The following MIER2 variants were observed in gnomAD, a reference collection of about 807,000 sequenced individuals.
MIER2 encodes MIER family member 2.
In MIER2, 30 loss-of-function variants were observed where a neutral mutation model predicts 67.6. The observed-to-expected ratio is 0.44, with a 90% CI of 0.33 to 0.60. MIER2 has a LOEUF of 0.60. Among genes scored for constraint, MIER2 ranks in the 20% least tolerant of loss-of-function variants. The probability of loss-of-function intolerance (pLI) is 0.02; values close to 1 mark genes in which losing one functional copy is unlikely to be tolerated. For synonymous variants in MIER2, 372 were observed against 312.6 expected (o/e 1.19, Z -2.00); for missense variants, 702 against 745.1 (o/e 0.94, Z 0.67).
chr19:310,318 C>A (rs1188990240), intron 10 of MIER2, among the ~76,000 whole-genome samples: 1 of 152,238 alleles, frequency 6.6e-6, no homozygotes, highest in Non-Finnish European at 1.5e-5. Flanking sequence ...GGGGTCCTGC[C>A]TGGGGGCGAG....
In MIER2 at chr19:308,435, GC is replaced by G; in HGVS notation, c.1198+141del. ...AGAGCGGCATCCACATCACGTGGCT[GC>G]CCTCCGCCACCCAGACGCCCACTCC... On this transcript the variant is annotated intron_variant, in intron 12 of 13. Coordinates refer to ENST00000264819, the MANE Select transcript of MIER2 (RefSeq NM_017550.3). The surrounding 1 kb of genome is among the most constrained non-coding windows in gnomAD (Gnocchi z 9.1). 1.2e-6 allele frequency: 1 copy of G among 819,882 alleles called. No individual in the cohort carries two copies. Among genetic ancestry groups the G allele is most frequent in the South Asian group, 1.7e-5 (1 of 58,068 alleles). 50.8% of individuals were successfully genotyped at this position (819,882 alleles called of 1,614,324 possible). A position where few individuals can be genotyped will look rare whatever the true frequency, so the allele number is the denominator to read the frequency against.
In MIER2 at chr19:306,518, G is replaced by A. The variant is rs569551224; in HGVS notation, c.*172C>T. The stretch of plus-strand genomic sequence containing the variant: ...GTGGGTCCATTCTGTGTGGACAGGG[G>A]CAAGGGCTCACGGCCCAGCCACCTC... On this transcript the variant is annotated 3_prime_UTR_variant, in exon 14 of 14. Transcript: ENST00000264819. The A allele has an allele frequency of 1.7e-4, 154 of 892,060 alleles. No individual in the cohort carries two copies. The South Asian group carries it at 2.0e-3, about 11-fold the overall frequency. The allele number at this position is 892,060 out of a possible 1,614,324, so 55.3% of individuals were successfully genotyped here.
chr19:340,654 C>G (rs1404302778), intron 1 of MIER2: 1 of 151,984 alleles, frequency 6.6e-6, no homozygotes, highest in Non-Finnish European at 1.5e-5. Flanking sequence ...TATAAGTGAC[C>G]CATGCAGTTC....
At chr19:340,342 GACTCCCCGAC>G (rs1972448027) in intron 1 of MIER2, among the ~76,000 whole-genome samples, 1 of 152,174 alleles carries the variant, frequency 6.6e-6, no homozygotes, top group African/African-American at 2.4e-5. Context: ...CATGACTTCT[GACTCCCCGAC>G]ACTTGATTAA....
Position 308,031 on chromosome 19 carries a change from C to A in MIER2, c.1199-495G>T, listed in dbSNP as rs1970743415. ...CCAGACTCTGGAAATGGGGGACCCT[C>A]CCAGACTCAACCATCTAAACACAGA... On this transcript the variant is annotated intron_variant, in intron 12 of 13. Transcript: ENST00000264819. The surrounding 1 kb of genome is among the most constrained non-coding windows in gnomAD (Gnocchi z 9.1). 6.6e-6 allele frequency among the ~76,000 whole-genome samples: 1 copy of A among 152,172 alleles called. No homozygotes were observed. Among genetic ancestry groups the A allele is most frequent in the Non-Finnish European group, 1.5e-5 (1 of 68,036 alleles).
intron 1 of MIER2, among the ~76,000 whole-genome samples, chr19:337,969 G>T (rs1214251976): frequency 6.6e-6 from 1 of 150,678 alleles, no homozygotes; most frequent in African/African-American, 2.4e-5. Flanking sequence ...GTCAGCAGAT[G>T]GAGATCATCC....
intron 7 of MIER2, among the ~76,000 whole-genome samples, chr19:321,775 T>C (rs1229496305): frequency 6.6e-6 from 1 of 152,188 alleles, no homozygotes; most frequent in Admixed American, 6.5e-5. Context: ...TAACCTGTAA[T>C]AACTGAGACA....
At chr19:320,315 G>C (rs987095572) in intron 7 of MIER2, among the ~76,000 whole-genome samples, 3 of 152,084 alleles carry the variant, frequency 2.0e-5, no homozygotes, top group Non-Finnish European at 2.9e-5. Flanking sequence ...CGGGAGCAGA[G>C]GTTGCAGTGA....
At chr19:338,413 T>C (rs1972361223) in intron 1 of MIER2, among the ~76,000 whole-genome samples, 1 of 123,338 alleles carries the variant, frequency 8.1e-6, no homozygotes, top group Non-Finnish European at 1.7e-5. Flanking sequence ...GTACTCTGAG[T>C]GAACAAAGCA....
At chr19:306,808 C>T in intron 13 of MIER2, 97 bp from the exon 14 acceptor site, 1 of 1,534,334 alleles carries the variant, frequency 6.5e-7, no homozygotes, top group South Asian at 1.2e-5. Context: ...GACTCCCAGC[C>T]TTGCCTCCCC....
intron 8 of MIER2, among the ~76,000 whole-genome samples, chr19:313,259 G>A (rs1462333361): frequency 6.6e-6 from 1 of 152,148 alleles, no homozygotes; most frequent in African/African-American, 2.4e-5. Context: ...TGACATCAGG[G>A]GTGTCTACAT....
intron 2 of MIER2, among the ~76,000 whole-genome samples, chr19:335,527 G>A (rs900839978): frequency 1.3e-5 from 2 of 152,162 alleles, no homozygotes; most frequent in African/African-American, 2.4e-5. Flanking sequence ...AGTTTGATAC[G>A]GAAAGAGACG....
rs1189919805 is a variant in MIER2 at position 306,673 on chromosome 19, C to A, written c.*17G>T. Reference sequence around the variant, plus strand: ...CTAAGTCCAGTCTGGGCCGCATACGCCGCCCGCGGCCAGGAGTCAGCAGGT... The same window carrying A: ...CTAAGTCCAGTCTGGGCCGCATACGACGCCCGCGGCCAGGAGTCAGCAGGT... On this transcript the variant is annotated 3_prime_UTR_variant, in exon 14 of 14. Coordinates refer to ENST00000264819, the MANE Select transcript of MIER2 (RefSeq NM_017550.3). 2 of 1,553,988 alleles carry A rather than the reference C, an allele frequency of 1.3e-6. No homozygotes were observed. The highest frequency in any genetic ancestry group is 2.4e-5 in the South Asian group (2 of 84,226).
Position 311,577 on chromosome 19 carries a change from T to C in MIER2, c.984+268A>G, listed in dbSNP as rs569433521. Among the ~76,000 whole-genome samples, 13 of 150,026 alleles carry C rather than the reference T, an allele frequency of 8.7e-5. No homozygotes were observed. The South Asian group carries it at 2.8e-3, about 32-fold the overall frequency. On this transcript the variant is annotated intron_variant, in intron 10 of 13. Transcript: ENST00000264819. ...AGATGAGGTGCCCAGGGCCCTGGGG[T>C]GGAATGTGAGGCAGAAACAACTACT...
In MIER2 at chr19:308,541, C is replaced by A; in HGVS notation, c.1198+36G>T. On this transcript the variant is annotated intron_variant, in intron 12 of 13. Transcript: ENST00000264819. This position sits in a 1 kb window ranked among gnomAD's most constrained non-coding sequence, Gnocchi z 9.1. ...CTCACTCACGGCTCCAGACCCGTGGCCGCCCCCAGGGCAGGAGATACTCCC... is the reference window on the plus strand; with the variant it reads ...CTCACTCACGGCTCCAGACCCGTGGACGCCCCCAGGGCAGGAGATACTCCC... 6.5e-7 allele frequency: 1 copy of A among 1,548,872 alleles called. No individual in the cohort carries two copies. Among genetic ancestry groups the A allele is most frequent in the Non-Finnish European group, 8.7e-7 (1 of 1,145,402 alleles).
intron 7 of MIER2, among the ~76,000 whole-genome samples, chr19:320,223 A>AC (rs1286926958): frequency 1.3e-5 from 2 of 151,560 alleles, no homozygotes; most frequent in Non-Finnish European, 2.9e-5. Flanking sequence ...AAATAAACAA[A>AC]AAAAAAATTA....
At chr19:341,546 A>G (rs1313099648) in intron 1 of MIER2, among the ~76,000 whole-genome samples, 1 of 152,128 alleles carries the variant, frequency 6.6e-6, no homozygotes, top group Admixed American at 6.5e-5. Flanking sequence ...ACCACGGAAT[A>G]CAGACTTCAT....
intron 1 of MIER2, among the ~76,000 whole-genome samples, chr19:338,465 G>A (rs564753303): frequency 4.6e-5 from 7 of 152,230 alleles, no homozygotes; most frequent in South Asian, 2.1e-4. Flanking sequence ...GGCATCCCAC[G>A]TTCATGGCTG....
At chr19:342,956 C>T (rs1301968803) in intron 1 of MIER2, among the ~76,000 whole-genome samples, 1 of 152,130 alleles carries the variant, frequency 6.6e-6, no homozygotes, top group Non-Finnish European at 1.5e-5. Flanking sequence ...TGGCTCCTCA[C>T]GCTCAGCACC....
Sources: allele counts gnomAD v4.1 joint callset (sites outside exome capture counted in the v4.1 genomes callset), GRCh38; gene constraint gnomAD v4.1.1; non-coding constraint Gnocchi (gnomAD v3.1); transcripts MANE v1.5; gene names NCBI Gene and HGNC (gene_info 2026-07-23, HGNC 2026-07-21).